HCRTR2: variants seen among roughly 807,000 people sequenced by gnomAD.
HCRTR2 encodes orexin receptor type 2.
Under a neutral mutation model 49.0 loss-of-function variants are expected in HCRTR2, and 22 were observed. The ratio of observed to expected loss-of-function variants is 0.45; its 90% confidence interval spans 0.32 to 0.64. HCRTR2 has a LOEUF of 0.64. Ranked by LOEUF, HCRTR2 falls within the 30% of genes least tolerant of loss-of-function variation. The pLI, the probability that HCRTR2 is intolerant of heterozygous loss-of-function variation, is 0.04. For missense variants in HCRTR2, 491 were observed against 559.4 expected, an observed-to-expected ratio of 0.88 and a Z score of 1.23; for synonymous variants, 236 against 205.3, an observed-to-expected ratio of 1.15 and a Z score of -1.28.
At chr6:55,253,219 C>G (rs1033758051) in intron 2 of HCRTR2, among the ~76,000 whole-genome samples, 4 of 149,178 alleles carry the variant, frequency 2.7e-5, no homozygotes, top group Non-Finnish European at 5.9e-5. Context: ...CACACACACG[C>G]AACACACAAC....
intron 6 of HCRTR2, 112 bp downstream of exon 6, chr6:55,280,556 C>T (rs963466084): frequency 1.5e-5 from 22 of 1,420,186 alleles, no homozygotes; most frequent in Non-Finnish European, 1.7e-5. Context: ...TGTATTTTTT[C>T]CCTGACCTGA....
intron 6 of HCRTR2, among the ~76,000 whole-genome samples, chr6:55,281,777 G>T (rs1767195259): frequency 6.6e-6 from 1 of 151,986 alleles, no homozygotes; most frequent in African/African-American, 2.4e-5. Flanking sequence ...GGTATTTTGT[G>T]GATTTAATTG....
At chr6:55,164,392 A>G (rs1764847528) in intron 1 of HCRTR2, among the ~76,000 whole-genome samples, 1 of 152,234 alleles carries the variant, frequency 6.6e-6, no homozygotes, top group African/African-American at 2.4e-5. Flanking sequence ...CATCAATGAT[A>G]GACTAGATTA....
chr6:55,139,186 G>A (rs1561983998), intron 1 of HCRTR2, among the ~76,000 whole-genome samples: 2 of 152,190 alleles, frequency 1.3e-5, no homozygotes, highest in South Asian at 4.1e-4. Context: ...GGTCCTGGAA[G>A]TCCTCATAGG....
chr6:55,220,538 A>G (rs1329662949), intron 1 of HCRTR2, among the ~76,000 whole-genome samples: 1 of 152,186 alleles, frequency 6.6e-6, no homozygotes, highest in East Asian at 1.9e-4. Context: ...ACAAACTATG[A>G]ATAGAAGGCA....
At chr6:55,198,551 C>G (rs1212421247) in intron 1 of HCRTR2, among the ~76,000 whole-genome samples, 1 of 152,162 alleles carries the variant, frequency 6.6e-6, no homozygotes, top group Non-Finnish European at 1.5e-5. Context: ...CATACTAGCA[C>G]CCACTAGTGT....
chr6:55,223,460 A>G (rs1460488336), intron 1 of HCRTR2, among the ~76,000 whole-genome samples: 1 of 152,234 alleles, frequency 6.6e-6, no homozygotes, highest in Non-Finnish European at 1.5e-5. Context: ...ACAAAAGAGA[A>G]GAAATTTCCT....
At chr6:55,149,944 G>GT in intron 1 of HCRTR2, among the ~76,000 whole-genome samples, 1 of 151,908 alleles carries the variant, frequency 6.6e-6, no homozygotes, top group East Asian at 1.9e-4. Context: ...TCTAATCAAT[G>GT]TTTTTTGTTA....
At chr6:55,109,151 T>A (rs1358761045) in intron 1 of HCRTR2, among the ~76,000 whole-genome samples, 1 of 152,062 alleles carries the variant, frequency 6.6e-6, no homozygotes, top group Admixed American at 6.6e-5. Context: ...TAACAATCAC[T>A]GCAGTCCAGC....
At chr6:55,136,849 A>G (rs1006449249) in intron 1 of HCRTR2, among the ~76,000 whole-genome samples, 2 of 152,258 alleles carry the variant, frequency 1.3e-5, no homozygotes, top group East Asian at 3.9e-4. Flanking sequence ...GTCCTACTGG[A>G]CATGGGGACC....
upstream of HCRTR2, among the ~76,000 whole-genome samples, chr6:55,170,854 T>C (rs1764940038): frequency 1.3e-5 from 2 of 151,478 alleles, no homozygotes; most frequent in Non-Finnish European, 2.9e-5. Flanking sequence ...GTCCTTGCGA[T>C]AGTTTGCTGA....
At chr6:55,170,371 T>A (rs933852444), upstream of HCRTR2, among the ~76,000 whole-genome samples, 1 of 150,472 alleles carries the variant, frequency 6.6e-6, no homozygotes, top group Non-Finnish European at 1.5e-5. Flanking sequence ...AATATTTTGT[T>A]ACACGCATAG....
chr6:55,184,769 T>C (rs751064196), intron 1 of HCRTR2, among the ~76,000 whole-genome samples: 32 of 152,226 alleles, frequency 2.1e-4, no homozygotes, highest in Non-Finnish European at 4.6e-4. Context: ...TATAATATCC[T>C]TTTGTAGATT....
intron 1 of HCRTR2, among the ~76,000 whole-genome samples, chr6:55,242,088 T>C (rs952938482): frequency 2.0e-5 from 3 of 151,988 alleles, no homozygotes; most frequent in African/African-American, 7.3e-5. Flanking sequence ...CAGTCTGGTC[T>C]CGAACTCCTG....
intron 1 of HCRTR2, among the ~76,000 whole-genome samples, chr6:55,185,527 A>G (rs1023255240): frequency 1.3e-5 from 2 of 152,244 alleles, no homozygotes; most frequent in Non-Finnish European, 2.9e-5. Flanking sequence ...CATACCTCAC[A>G]CATGTGTACA....
intron 1 of HCRTR2, among the ~76,000 whole-genome samples, chr6:55,159,182 C>G (rs1214847130): frequency 6.6e-6 from 1 of 152,036 alleles, no homozygotes; most frequent in African/African-American, 2.4e-5. Flanking sequence ...ACGTTGACCT[C>G]CAGCAAACTC....
intron 3 of HCRTR2, among the ~76,000 whole-genome samples, chr6:55,255,823 T>A (rs539700427): frequency 6.6e-6 from 1 of 152,228 alleles, no homozygotes; most frequent in African/African-American, 2.4e-5. Context: ...TAAGACCATG[T>A]CCTGGATCAC....
At chr6:55,261,907 A>C (rs1156646876) in intron 3 of HCRTR2, among the ~76,000 whole-genome samples, 1 of 152,166 alleles carries the variant, frequency 6.6e-6, no homozygotes, top group East Asian at 1.9e-4. Context: ...AGGGAATAAA[A>C]ATATGTGGTA....
chr6:55,232,558 T>TA (rs1766135847), intron 1 of HCRTR2, among the ~76,000 whole-genome samples: 1 of 152,240 alleles, frequency 6.6e-6, no homozygotes, highest in African/African-American at 2.4e-5. Context: ...AGATCAAGTT[T>TA]AACTATCAAA....
Sources: allele counts gnomAD v4.1 joint callset (sites outside exome capture counted in the v4.1 genomes callset), GRCh38; gene constraint gnomAD v4.1.1; transcripts MANE v1.5; gene names NCBI Gene and HGNC (gene_info 2026-07-23, HGNC 2026-07-21).